Variants in CACNB4 observed in about 807,000 individuals in gnomAD.
CACNB4 encodes calcium voltage-gated channel auxiliary subunit beta 4, also known as voltage-dependent L-type calcium channel subunit beta-4.
CACNB4 carries 32 observed loss-of-function variants against 71.2 expected under a neutral mutation model. The observed-to-expected ratio is 0.45, with a 90% CI of 0.34 to 0.60. CACNB4 has a LOEUF of 0.60. CACNB4 is among the 20% of genes least tolerant of loss of function. The pLI is 0.01. For missense variants in CACNB4, 464 were observed against 647.9 expected (o/e 0.72, Z 3.08); for synonymous variants, 231 against 236.9 (o/e 0.97, Z 0.23).
intron 9 of CACNB4, chr2:151,861,708 G>A (rs183794023): frequency 8.0e-4 from 121 of 152,096 alleles, no homozygotes; most frequent in African/African-American, 2.7e-3. Flanking sequence ...CAGGCACAGT[G>A]GCACATGCCT....
intron 13 of CACNB4, among the ~76,000 whole-genome samples, chr2:151,839,671 A>T (rs916298194): frequency 6.6e-6 from 1 of 152,222 alleles, no homozygotes; most frequent in Non-Finnish European, 1.5e-5. Context: ...GGAACTTAAT[A>T]TATTTAGGAA....
chr2:151,877,112 T>G (rs976690687), intron 4 of CACNB4, among the ~76,000 whole-genome samples: 1 of 134,692 alleles, frequency 7.4e-6, no homozygotes, highest in African/African-American at 2.7e-5. Flanking sequence ...TATATACATA[T>G]ATATCTATAT....
rs192259105 is a variant in CACNB4, at chr2:151,975,355, C to T, written c.148-91985G>A. Reference sequence around the variant, plus strand: ...TGAGCAGAGCATAGTTCTTCCAGGTCTGTGCTGACCCGTTCATGTCTTTCA... The same window carrying T: ...TGAGCAGAGCATAGTTCTTCCAGGTTTGTGCTGACCCGTTCATGTCTTTCA... On this transcript the variant is annotated intron_variant, in intron 2 of 13. Coordinates refer to ENST00000539935, the MANE Select transcript of CACNB4 (RefSeq NM_000726.5). 1.6e-4 allele frequency among the ~76,000 whole-genome samples: 24 copies of T among 152,356 alleles called. No homozygotes were observed. In the South Asian group the frequency reaches 1.7e-3, roughly 11 times the overall value.
intron 2 of CACNB4, among the ~76,000 whole-genome samples, chr2:152,011,996 G>A (rs906518304): frequency 1.3e-5 from 2 of 151,570 alleles, no homozygotes; most frequent in African/African-American, 4.9e-5. Flanking sequence ...AGATAGTTAT[G>A]TACAGTACAT....
chr2:152,039,107 T>C (rs1049412004), intron 2 of CACNB4, among the ~76,000 whole-genome samples: 5 of 152,214 alleles, frequency 3.3e-5, no homozygotes, highest in Non-Finnish European at 5.9e-5. Flanking sequence ...CATAGTTTTC[T>C]GAGGTCTCTA....
chr2:152,065,036 C>T (rs908880562), intron 2 of CACNB4, among the ~76,000 whole-genome samples: 1 of 152,144 alleles, frequency 6.6e-6, no homozygotes, highest in African/African-American at 2.4e-5. Flanking sequence ...TCTTATTCAC[C>T]TTTCCATGCA....
intron 2 of CACNB4, among the ~76,000 whole-genome samples, chr2:152,087,555 C>T (rs1042120387): frequency 6.6e-6 from 1 of 151,996 alleles, no homozygotes; most frequent in Admixed American, 6.5e-5. Flanking sequence ...GAAAAGCCAT[C>T]TCTGACACTG....
rs190928454 is a variant in CACNB4, at chr2:151,863,554, C to T, written c.759-2734G>A. ...TAATGATGTTTGGAGGGCCCAACAA[C>T]CCAGAAAGTTGAATTCCAGTCTCCT... On this transcript the variant is annotated intron_variant, in intron 9 of 13. Transcript: ENST00000539935. 1.9e-3 allele frequency among the ~76,000 whole-genome samples: 296 copies of T among 152,204 alleles called. 1 individual carries two copies. Among genetic ancestry groups the T allele is most frequent in the Middle Eastern group, 0.01 (3 of 294 alleles).
At chr2:151,925,221 T>C (rs1289040983) in intron 2 of CACNB4, among the ~76,000 whole-genome samples, 1 of 152,256 alleles carries the variant, frequency 6.6e-6, no homozygotes, top group Non-Finnish European at 1.5e-5. Context: ...ATTTCTATTA[T>C]TTTCTGATTT....
chr2:151,861,065 C>T, intron 9 of CACNB4: 2 of 487,652 alleles, frequency 4.1e-6, no homozygotes, highest in Non-Finnish European at 7.2e-6. Flanking sequence ...TGTTCTTCCT[C>T]CATTATGGCC....
intron 2 of CACNB4, among the ~76,000 whole-genome samples, chr2:152,077,860 T>C (rs1362872267): frequency 3.3e-5 from 5 of 152,120 alleles, no homozygotes; most frequent in Non-Finnish European, 7.4e-5. Context: ...ATAATGAATC[T>C]AGATTATATT....
At chr2:151,943,489 G>A (rs1011786207) in intron 2 of CACNB4, among the ~76,000 whole-genome samples, 1 of 152,084 alleles carries the variant, frequency 6.6e-6, no homozygotes, top group African/African-American at 2.4e-5. Context: ...ATAAGATGGA[G>A]TAAGTACAGA....
chr2:151,912,693 G>C (rs900798559), intron 2 of CACNB4, among the ~76,000 whole-genome samples: 2 of 152,196 alleles, frequency 1.3e-5, no homozygotes, highest in African/African-American at 2.4e-5. Context: ...ACTTGATCCA[G>C]AGCTGAGTTC....
intron 2 of CACNB4, among the ~76,000 whole-genome samples, chr2:152,054,816 T>C (rs979267223): frequency 4.6e-5 from 7 of 152,162 alleles, no homozygotes; most frequent in African/African-American, 1.7e-4. Flanking sequence ...TTCCTCCTGG[T>C]GACTAATGAT....
At chr2:151,843,068 G>T (rs978203741) in intron 12 of CACNB4, among the ~76,000 whole-genome samples, 1 of 152,118 alleles carries the variant, frequency 6.6e-6, no homozygotes, top group Non-Finnish European at 1.5e-5. Flanking sequence ...GAAAGCAGGG[G>T]GTCACAAAAG....
Position 151,869,203 on chromosome 2 carries a change from A to C in CACNB4, c.732T>G (p.Asp244Glu), listed in dbSNP as rs776112735. Residue 244 changes from aspartate (D) to glutamate (E), a missense_variant, in exon 9 of 14, where the codon GAT (aspartate) becomes GAG (glutamate). Asp to Glu is a conservative substitution (Grantham distance 45). Around this residue, in one of 3 missense-constraint regions of CACNB4, gnomAD observed 299 missense variants for 471.7 expected, o/e 0.63. Coordinates refer to ENST00000539935, the MANE Select transcript of CACNB4 (RefSeq NM_000726.5). ...TCCCATCAAACCTGTGCTTCAGGAA[A>C]TCAAAGAGGGCTTTCTGCATCATGT... is the stretch of plus-strand genomic sequence containing the variant. ...VTDMMQKALF[D>E]FLKHRFDGRI... 1.3e-6 allele frequency: 2 copies of C among 1,571,564 alleles called. No individual in the cohort carries two copies. Among genetic ancestry groups the C allele is most frequent in the African/African-American group, 2.7e-5 (2 of 74,210 alleles).
chr2:151,966,023 T>C (rs559238040), intron 2 of CACNB4, among the ~76,000 whole-genome samples: 5 of 152,344 alleles, frequency 3.3e-5, no homozygotes, highest in South Asian at 4.1e-4. Flanking sequence ...ACCGTGGTAA[T>C]TGATCATTTT....
Position 152,098,845 on chromosome 2 carries a change from T to C in CACNB4, c.63+104A>G. The stretch of plus-strand genomic sequence containing the variant: ...GAGCGGGGCCGCCGACTCCCGGGAC[T>C]GGGGCCCCGCACGCCCGGCACGAAG... On this transcript the variant is annotated intron_variant, in intron 1 of 13. Coordinates refer to ENST00000539935, the MANE Select transcript of CACNB4 (RefSeq NM_000726.5). The surrounding 1 kb of genome is among the most constrained non-coding windows in gnomAD (Gnocchi z 5.3). 1.2e-6 allele frequency: 1 copy of C among 863,408 alleles called. No individual in the cohort carries two copies. The highest frequency in any genetic ancestry group is 1.8e-5 in the South Asian group (1 of 54,620). The allele number at this position is 863,408 out of a possible 1,614,324, so 53.5% of individuals were successfully genotyped here.
At chr2:152,004,275 CT>C (rs1682592251) in intron 2 of CACNB4, among the ~76,000 whole-genome samples, 1 of 152,106 alleles carries the variant, frequency 6.6e-6, no homozygotes, top group South Asian at 2.1e-4. Flanking sequence ...TCTCCTCTAC[CT>C]ACCCACTGCC....
Sources: gnomAD v4.1 joint callset for allele counts (sites outside exome capture counted in the v4.1 genomes callset) on GRCh38, gnomAD v4.1.1 for gene constraint, gnomAD v4.1.1 regional missense constraint, Gnocchi (gnomAD v3.1) non-coding constraint, MANE v1.5 for transcripts, NCBI Gene and HGNC (gene_info 2026-07-23, HGNC 2026-07-21) for gene names.